The following PDXP variants were observed in gnomAD, a reference collection of about 807,000 sequenced individuals.
PDXP encodes the protein chronophin.
In PDXP, 15 loss-of-function variants were observed where a neutral mutation model predicts 14.4. The observed-to-expected ratio is 1.04, with a 90% CI of 0.70 to 1.60. The LOEUF is 1.60. Among genes scored for constraint, PDXP ranks in the 40% most tolerant of loss-of-function variants. The pLI is 0.00. For synonymous variants in PDXP, 233 were observed against 205.6 expected (o/e 1.13, Z -1.14); for missense variants, 413 against 427.6 (o/e 0.97, Z 0.30).
intron 1 of PDXP, among the ~76,000 whole-genome samples, chr22:37,663,303 C>A (rs1271796283): frequency 5.2e-3 from 575 of 110,318 alleles, no homozygotes; most frequent in South Asian, 6.6e-3. Context: ...GACTCCGTCT[C>A]AAAAAAAAAA....
At chr22:37,662,725 T>C (rs12485104) in intron 1 of PDXP, among the ~76,000 whole-genome samples, 55,491 of 152,140 alleles carry the variant, frequency 0.36, 10,373 homozygotes, top group African/African-American at 0.44. Context: ...CAGTGGCGCA[T>C]GCCTGTAATC....
intron 1 of PDXP, among the ~76,000 whole-genome samples, chr22:37,660,802 C>G (rs941816424): frequency 6.6e-6 from 1 of 152,068 alleles, no homozygotes; most frequent in Non-Finnish European, 1.5e-5. Flanking sequence ...GCCAGGGGCA[C>G]CTAGGAAGAC....
Position 37,658,976 on chromosome 22 carries a change from G to T in PDXP, c.194G>T (p.Arg65Leu). The T allele has an allele frequency of 8.3e-7, 1 of 1,199,722 alleles. No homozygotes were observed. The highest frequency in any genetic ancestry group is 1.0e-6 in the Non-Finnish European group (1 of 965,224). The allele number at this position is 1,199,722 out of a possible 1,614,324, so 74.3% of individuals were successfully genotyped here. A position where few individuals can be genotyped will look rare whatever the true frequency, so the allele number is the denominator to read the frequency against. Residue 65 changes from arginine to leucine, a missense_variant, in exon 1 of 2, where the codon CGG becomes CTG. Physicochemically the swap from Arg to Leu is moderately radical, Grantham distance 102. Transcript: ENST00000215904. ...LFVSNNSRRA[R>L]PELALRFARL... Reference sequence around the variant, plus strand: ...GTGAGCAACAACAGCCGGCGCGCGCGGCCCGAGCTGGCCCTGCGCTTCGCG... The same window carrying T: ...GTGAGCAACAACAGCCGGCGCGCGCTGCCCGAGCTGGCCCTGCGCTTCGCG...
Position 37,665,990 on chromosome 22 carries a change from G to C in PDXP, c.*119G>C, listed in dbSNP as rs572112580. ...GCTCCTTGGTCCAGTTCTGCACCGGGGTGGGGCTGGGACCCGGGGAAGGTT... is the reference window on the plus strand; with the variant it reads ...GCTCCTTGGTCCAGTTCTGCACCGGCGTGGGGCTGGGACCCGGGGAAGGTT... On this transcript the variant is annotated 3_prime_UTR_variant, in exon 2 of 2. Coordinates refer to ENST00000215904, the MANE Select transcript of PDXP (RefSeq NM_020315.5). The C allele has an allele frequency of 2.5e-4, 268 of 1,076,742 alleles. No homozygotes were observed. The African/African-American group carries it at 3.6e-3, about 14-fold the overall frequency. 66.7% of individuals were successfully genotyped at this position (1,076,742 alleles called of 1,614,324 possible). A position where few individuals can be genotyped will look rare whatever the true frequency, so the allele number is the denominator to read the frequency against.
intron 1 of PDXP, among the ~76,000 whole-genome samples, chr22:37,660,871 G>C (rs1323138908): frequency 5.9e-5 from 9 of 152,162 alleles, no homozygotes; most frequent in Admixed American, 5.2e-4. Context: ...TAAACCCAGT[G>C]TTATGGCATG....
In PDXP at chr22:37,659,204, C is replaced by A. The variant is rs766928335; in HGVS notation, c.422C>A (p.Pro141Gln). Residue 141 changes from proline (P) to glutamine (Q), a missense_variant, in exon 1 of 2, where the codon CCG becomes CAG. Physicochemically the swap from Pro to Gln is moderately conservative, Grantham distance 76 (BLOSUM62 -1). Transcript: ENST00000215904. ...CCGAGCGCGGGGGACGGCGCGGCCC[C>A]GCGCGTGCGCGCCGTGCTTGTGGGC... ...GDPSAGDGAA[P>Q]RVRAVLVGYD... is the part of the protein sequence containing the mutation. 1 of 1,251,926 alleles carries A rather than the reference C, an allele frequency of 8.0e-7. No homozygotes were observed. Among genetic ancestry groups the A allele is most frequent in the Non-Finnish European group, 1.0e-6 (1 of 996,806 alleles). 77.6% of individuals were successfully genotyped at this position (1,251,926 alleles called of 1,614,324 possible).
In PDXP at chr22:37,658,755, C is replaced by T; in HGVS notation, c.-28C>T. The T allele has an allele frequency of 3.5e-6, 4 of 1,148,242 alleles. No individual in the cohort carries two copies. The highest frequency in any genetic ancestry group is 4.3e-6 in the Non-Finnish European group (4 of 932,776). 71.1% of individuals were successfully genotyped at this position (1,148,242 alleles called of 1,614,324 possible). A position where few individuals can be genotyped will look rare whatever the true frequency, so the allele number is the denominator to read the frequency against. On this transcript the variant is annotated 5_prime_UTR_variant, in exon 1 of 2. Coordinates refer to ENST00000215904, the MANE Select transcript of PDXP (RefSeq NM_020315.5). ...CGCCGTGCCCGCGGAGAGAGCGCGG[C>T]GCGGGAGGCCGGCGGCCGGCCGGCT...
rs1933137974 is a variant in PDXP at position 37,658,914 on chromosome 22, G to A, written c.132G>A (p.Leu44=). The part of the protein sequence containing the change: ...ERAVPGAPEL[L]ERLARAGKAA... ...CCGTGCCGGGCGCCCCGGAGCTGCT[G>A]GAGCGGCTGGCGCGGGCCGGCAAGG... The change falls in exon 1 of 2, where the codon CTG becomes CTA. Residue 44 remains leucine, a synonymous_variant. Transcript: ENST00000215904. The A allele has an allele frequency of 6.5e-6, 8 of 1,224,770 alleles. No individual in the cohort carries two copies. Among genetic ancestry groups the A allele is most frequent in the Non-Finnish European group, 8.2e-6 (8 of 980,808 alleles). The allele number at this position is 1,224,770 out of a possible 1,614,324, so 75.9% of individuals were successfully genotyped here. A position where few individuals can be genotyped will look rare whatever the true frequency, so the allele number is the denominator to read the frequency against.
rs959794006 is a variant in PDXP at position 37,666,257 on chromosome 22, C to T, written c.*386C>T. 3.5e-6 allele frequency: 1 copy of T among 286,160 alleles called. No homozygotes were observed. Among genetic ancestry groups the T allele is most frequent in the Non-Finnish European group, 7.1e-6 (1 of 140,962 alleles). The allele number at this position is 286,160 out of a possible 1,614,324, so 17.7% of individuals were successfully genotyped here. A position where few individuals can be genotyped will look rare whatever the true frequency, so the allele number is the denominator to read the frequency against. ...TCTCTCTGCCCCTCAGGTCCTGGCC[C>T]TTGGGTCCTTGTCAACCAGAGGTCT... is the stretch of plus-strand genomic sequence containing the variant. On this transcript the variant is annotated 3_prime_UTR_variant, in exon 2 of 2. Transcript: ENST00000215904.
chr22:37,661,860 C>T (rs1392637750), intron 1 of PDXP, among the ~76,000 whole-genome samples: 4 of 151,298 alleles, frequency 2.6e-5, no homozygotes, highest in Admixed American at 1.3e-4. Context: ...CTTTCTGTCC[C>T]AGAAGGAATC....
At position 37,659,046 on chromosome 22, in the gene PDXP, C is replaced by G. The variant is rs1265614718; in HGVS notation, c.264C>G (p.Ser88=). ...TGCGCGCCGAGCAGCTCTTCAGCTC[C>G]GCGCTGTGCGCCGCGCGCCTGCTGC... is the stretch of plus-strand genomic sequence containing the variant. ...GGLRAEQLFS[S]ALCAARLLRQ... is the part of the protein sequence containing the mutation. The change falls in exon 1 of 2, where the codon TCC becomes TCG. Residue 88 remains serine (S), a synonymous_variant. Transcript: ENST00000215904. The G allele has an allele frequency of 8.8e-7, 1 of 1,139,500 alleles. No individual in the cohort carries two copies. Among genetic ancestry groups the G allele is most frequent in the Non-Finnish European group, 1.1e-6 (1 of 929,114 alleles). The allele number at this position is 1,139,500 out of a possible 1,614,324, so 70.6% of individuals were successfully genotyped here.
Position 37,666,754 on chromosome 22 carries a change from T to C in PDXP, c.*883T>C, listed in dbSNP as rs998733680. 11 of 167,242 alleles carry C rather than the reference T, an allele frequency of 6.6e-5. No individual in the cohort carries two copies. Among genetic ancestry groups the C allele is most frequent in the Non-Finnish European group, 1.3e-4 (9 of 68,132 alleles). The allele number at this position is 167,242 out of a possible 1,614,324, so 10.4% of individuals were successfully genotyped here. ...ATGGCCACAGCTCGAAGGGGGGCTTTCGTGTCCCCCTGTGCGGTCAGTGTT... is the reference window on the plus strand; with the variant it reads ...ATGGCCACAGCTCGAAGGGGGGCTTCCGTGTCCCCCTGTGCGGTCAGTGTT... On this transcript the variant is annotated 3_prime_UTR_variant, in exon 2 of 2. Coordinates refer to ENST00000215904, the MANE Select transcript of PDXP (RefSeq NM_020315.5).
Position 37,666,106 on chromosome 22 carries a change from C to A in PDXP, c.*235C>A. 1 of 582,858 alleles carries A rather than the reference C, an allele frequency of 1.7e-6. No individual in the cohort carries two copies. The highest frequency in any genetic ancestry group is 3.1e-6 in the Non-Finnish European group (1 of 319,914). The allele number at this position is 582,858 out of a possible 1,614,324, so 36.1% of individuals were successfully genotyped here. On this transcript the variant is annotated 3_prime_UTR_variant, in exon 2 of 2. Coordinates refer to ENST00000215904, the MANE Select transcript of PDXP (RefSeq NM_020315.5). The stretch of plus-strand genomic sequence containing the variant: ...CCTATGGATTCATCTTGGCCTGACC[C>A]AGCCAGGTGGCCTTATTTCTTCCCT...
At chr22:37,659,789 G>A (rs1373307319) in intron 1 of PDXP, among the ~76,000 whole-genome samples, 1 of 152,176 alleles carries the variant, frequency 6.6e-6, no homozygotes, top group Non-Finnish European at 1.5e-5. Flanking sequence ...CTGTGTAATC[G>A]TGTTCAGTTA....
chr22:37,660,256 T>C (rs945965391), intron 1 of PDXP, among the ~76,000 whole-genome samples: 5 of 152,178 alleles, frequency 3.3e-5, no homozygotes, highest in East Asian at 1.9e-4. Context: ...AGAACAGATA[T>C]AGTGAGCCCC....
intron 1 of PDXP, among the ~76,000 whole-genome samples, chr22:37,663,721 T>G (rs1920986702): frequency 6.6e-6 from 1 of 151,868 alleles, no homozygotes; most frequent in Admixed American, 6.6e-5. Context: ...CCCTCCACCG[T>G]GGAGGGGCCT....
intron 1 of PDXP, chr22:37,665,098 T>G: frequency 5.2e-6 from 1 of 192,704 alleles, no homozygotes; most frequent in African/African-American, 2.3e-5. Context: ...CAGCGCCCGT[T>G]TGGAGGTAGG....
In PDXP at chr22:37,665,603, C is replaced by T. The variant is rs773495220; in HGVS notation, c.623C>T (p.Ala208Val). ...AAVETASGRQ[A>V]LVVGKPSPYM... ...GTGGAGACAGCCTCGGGACGCCAGGCCCTGGTGGTGGGCAAGCCCAGCCCC... is the reference window on the plus strand; with the variant it reads ...GTGGAGACAGCCTCGGGACGCCAGGTCCTGGTGGTGGGCAAGCCCAGCCCC... Residue 208 changes from alanine (A) to valine (V), a missense_variant, in exon 2 of 2, where the codon GCC becomes GTC. Coordinates refer to ENST00000215904, the MANE Select transcript of PDXP (RefSeq NM_020315.5). 17 of 1,613,348 alleles carry T rather than the reference C, an allele frequency of 1.1e-5. No individual in the cohort carries two copies. The highest frequency in any genetic ancestry group is 1.4e-5 in the Non-Finnish European group (17 of 1,179,974).
In PDXP at chr22:37,659,164, C is replaced by T. The variant is rs1293078455; in HGVS notation, c.382C>T (p.Arg128Cys). ...CGCCGAGCTGCGCGCCGCGGGGCTG[C>T]GCCTGGCCGGGGACCCGAGCGCGGG... ...LRAELRAAGL[R>C]LAGDPSAGDG... The change falls in exon 1 of 2, where the codon CGC becomes TGC. Residue 128 changes from arginine to cysteine, a missense_variant. Physicochemically the swap from Arg to Cys is radical, Grantham distance 180. Coordinates refer to ENST00000215904, the MANE Select transcript of PDXP (RefSeq NM_020315.5). The T allele has an allele frequency of 2.7e-6, 3 of 1,114,804 alleles. No homozygotes were observed. The highest frequency in any genetic ancestry group is 4.6e-5 in the East Asian group (1 of 21,660). 69.1% of individuals were successfully genotyped at this position (1,114,804 alleles called of 1,614,324 possible). A position where few individuals can be genotyped will look rare whatever the true frequency, so the allele number is the denominator to read the frequency against.
Sources: gnomAD v4.1 joint callset for allele counts (sites outside exome capture counted in the v4.1 genomes callset) on GRCh38, gnomAD v4.1.1 for gene constraint, MANE v1.5 for transcripts, NCBI Gene and HGNC (gene_info 2026-07-23, HGNC 2026-07-21) for gene names.